The following DPP6 variants were observed in gnomAD, a reference collection of about 807,000 sequenced individuals.
The protein encoded by DPP6 is dipeptidyl peptidase like 6, also known as A-type potassium channel modulatory protein DPP6.
A neutral mutation model predicts 122.6 loss-of-function variants in DPP6; 69 were observed. That is an observed-to-expected ratio of 0.56 (90% CI 0.46 to 0.69). The LOEUF (loss-of-function observed/expected upper bound fraction) is 0.69, where lower values mean the gene tolerates loss of function less well. Ranked by LOEUF, DPP6 falls within the 30% of genes least tolerant of loss-of-function variation. DPP6 has a pLI of 0.00. For synonymous variants in DPP6, 418 were observed against 433.1 expected (o/e 0.97, Z 0.43); for missense variants, 928 against 1,116.9 (o/e 0.83, Z 2.41).
At chr7:154,050,853 A>T (rs1800268112), upstream of DPP6, among the ~76,000 whole-genome samples, 1 of 144,456 alleles carries the variant, frequency 6.9e-6, no homozygotes, top group African/African-American at 2.6e-5. Context: ...ACTGTGGAGT[A>T]AACAGAAGAT....
intron 1 of DPP6, among the ~76,000 whole-genome samples, chr7:153,977,497 T>C (rs1796367400): frequency 6.6e-6 from 1 of 152,212 alleles, no homozygotes; most frequent in African/African-American, 2.4e-5. Flanking sequence ...TTATGAGAAG[T>C]ACCCGAGCTG....
chr7:154,696,180 G>A lies in DPP6; in HGVS notation c.762+26739G>A, dbSNP rs547363880. On this transcript the variant is annotated intron_variant, in intron 7 of 25. Coordinates refer to ENST00000377770, the MANE Select transcript of DPP6 (RefSeq NM_130797.4). The stretch of plus-strand genomic sequence containing the variant: ...CACCTGACAGTGTGTCTGAATGAGC[G>A]GAAGCTTCCGTTCTGTGAGAGCTCT... Among the ~76,000 whole-genome samples the A allele has an allele frequency of 1.1e-4, 16 of 152,332 alleles. No homozygotes were observed. The East Asian group carries it at 1.4e-3, about 13-fold the overall frequency.
chr7:154,304,910 C>T (rs1239724509), intron 1 of DPP6, among the ~76,000 whole-genome samples: 1 of 152,178 alleles, frequency 6.6e-6, no homozygotes, highest in African/African-American at 2.4e-5. Context: ...GCGTGGGGGC[C>T]GCAGGTTCAG....
chr7:153,754,130 AC>A, the DPP6 span, among the ~76,000 whole-genome samples: 1 of 152,208 alleles, frequency 6.6e-6, no homozygotes, highest in African/African-American at 2.4e-5. Context: ...TTATTTTACC[AC>A]AAGGACAGGG....
chr7:154,889,081 G>C (rs1445279004), intron 23 of DPP6, among the ~76,000 whole-genome samples, 191 bp from the exon 24 acceptor site: 1 of 152,184 alleles, frequency 6.6e-6, no homozygotes. Context: ...TGGGGACACA[G>C]AGTCAAACCA....
In DPP6 at chr7:154,185,942, C is replaced by G. The variant is rs79805543; in HGVS notation, c.243+132879C>G. On this transcript the variant is annotated intron_variant, in intron 1 of 25. Transcript: ENST00000377770. Reference sequence around the variant, plus strand: ...TAAGCGGGTATTTCTTCTGAGTAAGCAAGAAGATATTAAAAACATTGAAAT... The same window carrying G: ...TAAGCGGGTATTTCTTCTGAGTAAGGAAGAAGATATTAAAAACATTGAAAT... Among the ~76,000 whole-genome samples the G allele has an allele frequency of 7.3e-3, 1,112 of 152,162 alleles. 12 individuals are homozygous for G. Among genetic ancestry groups the G allele is most frequent in the African/African-American group, 0.021 (892 of 41,508 alleles).
At chr7:154,381,904 C>G (rs1255153330) in intron 1 of DPP6, among the ~76,000 whole-genome samples, 1 of 152,074 alleles carries the variant, frequency 6.6e-6, no homozygotes, top group African/African-American at 2.4e-5. Flanking sequence ...TCATTGGTGT[C>G]CGAGCTTCTG....
chr7:154,289,239 C>T (rs962879138), intron 1 of DPP6, among the ~76,000 whole-genome samples: 6 of 152,140 alleles, frequency 3.9e-5, no homozygotes, highest in Admixed American at 1.3e-4. Flanking sequence ...AAAATATTTC[C>T]GAGACTTGAT....
the DPP6 span, among the ~76,000 whole-genome samples, chr7:153,783,490 G>A: frequency 0.019 from 2,878 of 152,264 alleles, 34 homozygotes; most frequent in African/African-American, 0.036. Context: ...ACAACTCAAC[G>A]TGAGATTTGG....
At chr7:154,092,165 C>G (rs1262696481) in intron 1 of DPP6, 4 of 152,110 alleles carry the variant, frequency 2.6e-5, no homozygotes, top group African/African-American at 9.7e-5. Context: ...AATACTATGA[C>G]CTGTTTATAT....
intron 1 of DPP6, among the ~76,000 whole-genome samples, chr7:154,164,775 G>A (rs1468754876): frequency 3.3e-5 from 5 of 152,090 alleles, no homozygotes; most frequent in African/African-American, 1.2e-4. Flanking sequence ...ATTCATCTGT[G>A]TTACAGAATG....
At chr7:154,015,512 A>G (rs1353076713) in intron 1 of DPP6, among the ~76,000 whole-genome samples, 1 of 152,116 alleles carries the variant, frequency 6.6e-6, no homozygotes, top group Non-Finnish European at 1.5e-5. Flanking sequence ...GTGCTCGCTT[A>G]CATGTGGCCA....
chr7:153,976,236 G>C (rs1452068529), intron 1 of DPP6, among the ~76,000 whole-genome samples: 1 of 152,176 alleles, frequency 6.6e-6, no homozygotes, highest in Admixed American at 6.5e-5. Context: ...ACAGGGGAGA[G>C]TGTAGAATGT....
Position 154,821,871 on chromosome 7 carries a change from TC to T in DPP6, c.1666+14760del, listed in dbSNP as rs1277019680. On this transcript the variant is annotated intron_variant, in intron 16 of 25. Coordinates refer to ENST00000377770, the MANE Select transcript of DPP6 (RefSeq NM_130797.4). The surrounding 1 kb of genome is among the most constrained non-coding windows in gnomAD (Gnocchi z 4.2). ...AGAGATACAGGTCCAAGTTACAGCC[TC>T]TTGTTAATCACCGTCATCCTCCAGG... Among the ~76,000 whole-genome samples, 1 of 152,054 alleles carries T rather than the reference TC, an allele frequency of 6.6e-6. No individual in the cohort carries two copies. The highest frequency in any genetic ancestry group is 6.5e-5 in the Admixed American group (1 of 15,272).
At chr7:154,646,358 G>A (rs373126156) in intron 6 of DPP6, among the ~76,000 whole-genome samples, 14 of 151,960 alleles carry the variant, frequency 9.2e-5, no homozygotes, top group African/African-American at 1.7e-4. Flanking sequence ...TCCCAAACCC[G>A]GAATGTGTTT....
intron 1 of DPP6, among the ~76,000 whole-genome samples, chr7:154,313,715 A>ATATATATATATATATATATATATG (rs1563460487): frequency 8.4e-5 from 3 of 35,814 alleles, no homozygotes; most frequent in Non-Finnish European, 1.6e-4. Flanking sequence ...ATATATATAT[A>ATATATATATATATATATATATATG]CACACACACG....
intron 1 of DPP6, among the ~76,000 whole-genome samples, chr7:154,426,349 C>T (rs1452753874): frequency 6.6e-6 from 1 of 152,140 alleles, no homozygotes; most frequent in African/African-American, 2.4e-5. Context: ...TTCGAAAGAA[C>T]TTTTATAGCA....
At chr7:154,161,090 A>G (rs188204812) in intron 1 of DPP6, among the ~76,000 whole-genome samples, 37 of 152,350 alleles carry the variant, frequency 2.4e-4, no homozygotes, top group Admixed American at 8.5e-4. Flanking sequence ...TCTCCAAAAG[A>G]AATAGTTTTA....
At chr7:154,136,833 G>A (rs1795580909) in intron 1 of DPP6, among the ~76,000 whole-genome samples, 1 of 152,246 alleles carries the variant, frequency 6.6e-6, no homozygotes, top group Non-Finnish European at 1.5e-5. Flanking sequence ...CCTGATAGAA[G>A]GATATTTGCA....
Sources: gnomAD v4.1 joint callset for allele counts (sites outside exome capture counted in the v4.1 genomes callset) on GRCh38, gnomAD v4.1.1 for gene constraint, Gnocchi (gnomAD v3.1) non-coding constraint, MANE v1.5 for transcripts, NCBI Gene and HGNC (gene_info 2026-07-23, HGNC 2026-07-21) for gene names.